PTPRK: variants seen among roughly 807,000 people sequenced by gnomAD.
The protein encoded by PTPRK is protein tyrosine phosphatase receptor type K, also known as receptor-type tyrosine-protein phosphatase kappa.
In PTPRK, 75 loss-of-function variants were observed where a neutral mutation model predicts 178.0. The ratio of observed to expected loss-of-function variants is 0.42; its 90% confidence interval spans 0.35 to 0.51. The LOEUF (loss-of-function observed/expected upper bound fraction) is 0.51. Among genes scored for constraint, PTPRK ranks in the 20% least tolerant of loss-of-function variants. The probability of loss-of-function intolerance (pLI) is 0.02; values close to 1 mark genes in which losing one functional copy is unlikely to be tolerated. For synonymous variants in PTPRK, 637 were observed against 620.6 expected (o/e 1.03, Z -0.39); for missense variants, 1,441 against 1,797.8 (o/e 0.80, Z 3.59).
chr6:128,208,358 G>A (rs1295652053), intron 6 of PTPRK, among the ~76,000 whole-genome samples: 1 of 151,302 alleles, frequency 6.6e-6, no homozygotes, highest in East Asian at 1.9e-4. Flanking sequence ...TAGGAAAAAG[G>A]TCCAGGAGCA....
intron 1 of PTPRK, among the ~76,000 whole-genome samples, chr6:128,495,766 G>A (rs1290119610): frequency 1.3e-5 from 2 of 152,152 alleles, no homozygotes; most frequent in African/African-American, 4.8e-5. Flanking sequence ...ATAAGGTCCT[G>A]CATGCTCTGG....
intron 1 of PTPRK, among the ~76,000 whole-genome samples, chr6:128,466,087 C>T (rs1849809514): frequency 6.6e-6 from 1 of 152,160 alleles, no homozygotes; most frequent in Non-Finnish European, 1.5e-5. Context: ...GCAAGTCATA[C>T]TTGTTACTAT....
chr6:128,514,248 A>G (rs1026751103), intron 1 of PTPRK, among the ~76,000 whole-genome samples: 3 of 152,250 alleles, frequency 2.0e-5, no homozygotes, highest in Non-Finnish European at 4.4e-5. Flanking sequence ...GAAATAAAGT[A>G]GTGATCTATT....
chr6:128,293,389 C>G (rs1461213614), intron 3 of PTPRK, among the ~76,000 whole-genome samples: 1 of 151,900 alleles, frequency 6.6e-6, no homozygotes, highest in Admixed American at 6.6e-5. Context: ...CAAAACAAAA[C>G]AAAACAAAAC....
chr6:128,238,205 A>G, intron 5 of PTPRK: 1 of 366,724 alleles, frequency 2.7e-6, no homozygotes, highest in South Asian at 1.9e-5. Context: ...AAAAAAAAGA[A>G]AAGAAAAAAA....
At chr6:127,990,253 ACTGT>A (rs909431814) in intron 21 of PTPRK, among the ~76,000 whole-genome samples, 1 of 151,868 alleles carries the variant, frequency 6.6e-6, no homozygotes, top group Non-Finnish European at 1.5e-5. Flanking sequence ...TGGCCTGGTG[ACTGT>A]CTGGCATTCT....
chr6:128,390,664 A>G (rs989536064), intron 2 of PTPRK, among the ~76,000 whole-genome samples: 1 of 152,166 alleles, frequency 6.6e-6, no homozygotes, highest in Non-Finnish European at 1.5e-5. Context: ...TTAGACAGAC[A>G]GATTTAAGTT....
At chr6:128,430,468 G>C (rs1167276941) in intron 1 of PTPRK, among the ~76,000 whole-genome samples, 1 of 152,126 alleles carries the variant, frequency 6.6e-6, no homozygotes, top group African/African-American at 2.4e-5. Context: ...AATTTATCAA[G>C]TGTTCATTCT....
intron 7 of PTPRK, among the ~76,000 whole-genome samples, chr6:128,145,168 C>A (rs1194907358): frequency 6.6e-6 from 1 of 152,040 alleles, no homozygotes; most frequent in African/African-American, 2.4e-5. Flanking sequence ...AAAGGCACTG[C>A]CTTTCAAGAA....
rs567316356 is a variant in PTPRK at position 128,397,147 on chromosome 6, T to C, written c.223+419A>G. ...TGACCACTGGGAGAAAGACACAACC[T>C]CTCTCCTTACAATGTAATAAAATTC... On this transcript the variant is annotated intron_variant, in intron 2 of 29. Transcript: ENST00000368226. Among the ~76,000 whole-genome samples, 7 of 152,228 alleles carry C rather than the reference T, an allele frequency of 4.6e-5. No individual in the cohort carries two copies. In the South Asian group the frequency reaches 1.5e-3, roughly 32 times the overall value.
intron 2 of PTPRK, among the ~76,000 whole-genome samples, chr6:128,380,553 C>CACGTGTGT (rs1554246047): frequency 5.5e-5 from 8 of 146,366 alleles, no homozygotes; most frequent in African/African-American, 1.5e-4. Flanking sequence ...CACACACACA[C>CACGTGTGT]GTGTGTGTGT....
intron 7 of PTPRK, among the ~76,000 whole-genome samples, chr6:128,100,606 A>G (rs1258313611): frequency 2.0e-5 from 3 of 151,918 alleles, no homozygotes; most frequent in Admixed American, 6.6e-5. Context: ...ACATTAGTTG[A>G]TCTTTGTTTC....
intron 7 of PTPRK, among the ~76,000 whole-genome samples, chr6:128,096,966 C>T (rs1040224969): frequency 3.3e-5 from 5 of 152,104 alleles, no homozygotes; most frequent in African/African-American, 1.2e-4. Flanking sequence ...CCTTTAGGTG[C>T]TTTGTAATTT....
chr6:128,223,447 A>C (rs1032208753), intron 5 of PTPRK, among the ~76,000 whole-genome samples: 1 of 152,090 alleles, frequency 6.6e-6, no homozygotes, highest in African/African-American at 2.4e-5. Flanking sequence ...GGGTATACTT[A>C]AACTCATCCA....
chr6:128,427,190 A>G (rs777789468), intron 1 of PTPRK, among the ~76,000 whole-genome samples: 2 of 152,174 alleles, frequency 1.3e-5, no homozygotes, highest in African/African-American at 2.4e-5. Flanking sequence ...CTTTGTGTGC[A>G]TTCTCTCTCT....
intron 13 of PTPRK, among the ~76,000 whole-genome samples, chr6:128,050,500 C>A (rs1778820634): frequency 6.6e-6 from 1 of 152,188 alleles, no homozygotes; most frequent in South Asian, 2.1e-4. Flanking sequence ...CTTTATTTGT[C>A]TCAACTGCAA....
Position 128,009,110 on chromosome 6 carries a change from A to G in PTPRK, c.2333+20T>C. 6.2e-7 allele frequency: 1 copy of G among 1,603,808 alleles called. No homozygotes were observed. The highest frequency in any genetic ancestry group is 1.7e-5 in the Admixed American group (1 of 59,494). On this transcript the variant is annotated intron_variant, in intron 14 of 29. Coordinates refer to ENST00000368226, the MANE Select transcript of PTPRK (RefSeq NM_002844.4). The stretch of plus-strand genomic sequence containing the variant: ...GACATAAATGGTAAGTGAGTGGGAC[A>G]GGACAATATTAGGCCTTACCTCTTT...
chr6:128,182,194 A>C (rs1802020485), intron 7 of PTPRK, among the ~76,000 whole-genome samples: 1 of 152,192 alleles, frequency 6.6e-6, no homozygotes, highest in Admixed American at 6.6e-5. Flanking sequence ...TTATGCCACA[A>C]AGAATACACA....
intron 5 of PTPRK, among the ~76,000 whole-genome samples, chr6:128,233,659 G>A (rs137916411): frequency 6.6e-5 from 10 of 152,312 alleles, no homozygotes; most frequent in African/African-American, 1.9e-4. Flanking sequence ...CACCAAGGGC[G>A]AAGCGGTGGC....
Sources: gnomAD v4.1 joint callset for allele counts (sites outside exome capture counted in the v4.1 genomes callset) on GRCh38, gnomAD v4.1.1 for gene constraint, MANE v1.5 for transcripts, NCBI Gene and HGNC (gene_info 2026-07-23, HGNC 2026-07-21) for gene names.